Variants in ZNF37A observed in about 807,000 individuals in gnomAD.
ZNF37A encodes the protein zinc finger protein 37A.
In ZNF37A, 10 loss-of-function variants were observed where a neutral mutation model predicts 12.3. That is an observed-to-expected ratio of 0.82 (90% CI 0.50 to 1.38). The LOEUF is 1.38. Ranked by LOEUF, ZNF37A falls within the 40% of genes most tolerant of loss-of-function variation. ZNF37A has a pLI of 0.00. For missense variants in ZNF37A, 580 were observed against 651.2 expected (o/e 0.89, Z 1.19); for synonymous variants, 207 against 223.0 (o/e 0.93, Z 0.64).
chr10:38,144,549 C>A (rs2070228017), intron 7 of ZNF37A: 1 of 152,084 alleles, frequency 6.6e-6, no homozygotes, highest in African/African-American at 2.4e-5. Context: ...TTATAGTTGT[C>A]TAATGCTGTG....
intron 7 of ZNF37A, chr10:38,141,207 T>A (rs2070177717): frequency 6.6e-6 from 1 of 152,208 alleles, no homozygotes. Context: ...GGAGTTTAAT[T>A]TTCCTCTCCT....
At chr10:38,106,399 C>G (rs1406116012) in intron 5 of ZNF37A, among the ~76,000 whole-genome samples, 2 of 152,136 alleles carry the variant, frequency 1.3e-5, no homozygotes, top group African/African-American at 2.4e-5. Flanking sequence ...GAAACCAGCA[C>G]AAAAGGCTGA....
intron 5 of ZNF37A, among the ~76,000 whole-genome samples, chr10:38,107,535 GC>G: frequency 6.6e-6 from 1 of 152,280 alleles, no homozygotes; most frequent in East Asian, 1.9e-4. Context: ...TGGGCTAAAT[GC>G]CCCAGTTAAA....
chr10:38,144,603 TAC>T (rs2070228608), intron 7 of ZNF37A, among the ~76,000 whole-genome samples: 1 of 152,198 alleles, frequency 6.6e-6, no homozygotes. Flanking sequence ...ACCCAATGAA[TAC>T]ACATGGCTTG....
In ZNF37A at chr10:38,122,657, C is replaced by G. The variant is rs2069776584; in HGVS notation, c.*3820C>G. ...GAAGAATGAAACTAGACCCCCATCT[C>G]TTAGCATATACAAAAATCAAAATTA... On this transcript the variant is annotated 3_prime_UTR_variant, in exon 8 of 8. Transcript: ENST00000685332. 6.6e-6 allele frequency: 1 copy of G among 152,194 alleles called. No homozygotes were observed. The highest frequency in any genetic ancestry group is 1.5e-5 in the Non-Finnish European group (1 of 68,038). 9.4% of individuals were successfully genotyped at this position (152,194 alleles called of 1,614,324 possible). A position where few individuals can be genotyped will look rare whatever the true frequency, so the allele number is the denominator to read the frequency against.
In ZNF37A at chr10:38,121,407, C is replaced by T. The variant is rs1590927356; in HGVS notation, c.*2570C>T. On this transcript the variant is annotated 3_prime_UTR_variant, in exon 8 of 8. Coordinates refer to ENST00000685332, the MANE Select transcript of ZNF37A (RefSeq NM_001324250.3). Reference sequence around the variant, plus strand: ...CCATTCCTCTTTCTTTTGATTCCCCCCTTTGACTTTTCATGTATCTCTCCT... The same window carrying T: ...CCATTCCTCTTTCTTTTGATTCCCCTCTTTGACTTTTCATGTATCTCTCCT... 6.6e-6 allele frequency: 1 copy of T among 152,154 alleles called. No homozygotes were observed. The allele number at this position is 152,154 out of a possible 1,614,324, so 9.4% of individuals were successfully genotyped here. A position where few individuals can be genotyped will look rare whatever the true frequency, so the allele number is the denominator to read the frequency against.
chr10:38,112,753 T>TATTGG (rs1244745793), intron 5 of ZNF37A, among the ~76,000 whole-genome samples: 1 of 63,854 alleles, frequency 1.6e-5, no homozygotes, highest in Admixed American at 2.0e-4. Context: ...TTCTTTTCTT[T>TATTGG]TCTTTTCTTT....
intron 7 of ZNF37A, among the ~76,000 whole-genome samples, chr10:38,133,335 C>CT (rs1238074909): frequency 6.6e-6 from 1 of 152,086 alleles, no homozygotes; most frequent in East Asian, 1.9e-4. Flanking sequence ...TTAAATTATA[C>CT]TTTAAGTTCT....
chr10:38,106,735 C>A (rs1215797044), intron 5 of ZNF37A, among the ~76,000 whole-genome samples: 1 of 151,800 alleles, frequency 6.6e-6, no homozygotes, highest in Non-Finnish European at 1.5e-5. Context: ...CTGAATCAAT[C>A]AAGTGGAAGA....
chr10:38,143,591 G>A (rs1247740224), intron 7 of ZNF37A: 1 of 152,206 alleles, frequency 6.6e-6, no homozygotes, highest in African/African-American at 2.4e-5. Context: ...AGAAAATGAA[G>A]ACATGGTGTT....
At chr10:38,137,234 C>T (rs1258435474) in intron 7 of ZNF37A, 2 of 152,050 alleles carry the variant, frequency 1.3e-5, no homozygotes, top group African/African-American at 4.8e-5. Flanking sequence ...GGACTCTGAA[C>T]CTTATAATGC....
At chr10:38,144,096 T>G (rs1463772250) in intron 7 of ZNF37A, 1 of 152,216 alleles carries the variant, frequency 6.6e-6, no homozygotes, top group Non-Finnish European at 1.5e-5. Context: ...CAATTAAGTT[T>G]TCTAGTCATG....
intron 5 of ZNF37A, among the ~76,000 whole-genome samples, chr10:38,108,024 C>T (rs867032359): frequency 7.2e-5 from 11 of 152,164 alleles, no homozygotes; most frequent in Non-Finnish European, 1.3e-4. Context: ...CTACAGAACT[C>T]TCCCCACCCA....
chr10:38,115,344 A>C, intron 7 of ZNF37A, 54 bp downstream of exon 7: 1 of 1,579,152 alleles, frequency 6.3e-7, no homozygotes, highest in Non-Finnish European at 8.6e-7. Context: ...ACAAAGGGTA[A>C]GTTTGGATAA....
intron 5 of ZNF37A, among the ~76,000 whole-genome samples, chr10:38,105,007 C>CTT (rs386371223): frequency 7.2e-6 from 1 of 139,612 alleles, no homozygotes. Flanking sequence ...AATATTTTTT[C>CTT]TTTTTTTTTT....
At chr10:38,129,141 T>C (rs1444155943), downstream of ZNF37A, among the ~76,000 whole-genome samples, 1 of 151,746 alleles carries the variant, frequency 6.6e-6, no homozygotes, top group Non-Finnish European at 1.5e-5. Context: ...GCTTTCTAGA[T>C]AGTGGATTTT....
intron 7 of ZNF37A, among the ~76,000 whole-genome samples, chr10:38,116,095 A>G (rs1312071896): frequency 6.6e-6 from 1 of 152,166 alleles, no homozygotes; most frequent in East Asian, 1.9e-4. Flanking sequence ...AATTAAAATT[A>G]AAATTACACA....
intron 7 of ZNF37A, chr10:38,138,640 G>T (rs59251750): frequency 6.6e-6 from 1 of 152,006 alleles, no homozygotes; most frequent in Non-Finnish European, 1.5e-5. Context: ...AAGTAAACAA[G>T]GACTGTCAGT....
At position 38,146,007 on chromosome 10, in the gene ZNF37A, G is replaced by A. The variant is rs185039332; in HGVS notation, c.239-725G>A. On this transcript the variant is annotated intron_variant, in intron 7 of 7. Coordinates refer to the ZNF37A transcript ENST00000638053. Reference sequence around the variant, plus strand: ...CCCATCTACTCAGGAGGCTGAGGCAGGAGAATCACTTGAACCTGGGAAGCA... The same window carrying A: ...CCCATCTACTCAGGAGGCTGAGGCAAGAGAATCACTTGAACCTGGGAAGCA... 1.3e-4 allele frequency among the ~76,000 whole-genome samples: 20 copies of A among 152,280 alleles called. No homozygotes were observed. In the East Asian group the frequency reaches 1.7e-3, roughly 13 times the overall value.
Sources: gnomAD v4.1 joint callset for allele counts (sites outside exome capture counted in the v4.1 genomes callset) on GRCh38, gnomAD v4.1.1 for gene constraint, MANE v1.5 for transcripts, NCBI Gene and HGNC (gene_info 2026-07-23, HGNC 2026-07-21) for gene names.